DPM1: variants seen among roughly 807,000 people sequenced by gnomAD.
DPM1 encodes the protein dolichol-phosphate mannosyltransferase subunit 1.
Under a neutral mutation model 39.0 loss-of-function variants are expected in DPM1, and 27 were observed. The observed-to-expected ratio is 0.69, with a 90% CI of 0.51 to 0.95. The LOEUF (loss-of-function observed/expected upper bound fraction) is 0.95, where lower values mean the gene tolerates loss of function less well. Among genes scored for constraint, DPM1 ranks in the 40% least tolerant of loss-of-function variants. The probability of loss-of-function intolerance (pLI) is 0.00; values close to 1 mark genes in which losing one functional copy is unlikely to be tolerated. For synonymous variants in DPM1, 124 were observed against 109.0 expected (o/e 1.14, Z -0.86); for missense variants, 307 against 315.6 (o/e 0.97, Z 0.21).
chr20:50,948,989 T>A (rs1412622415), intron 2 of DPM1, among the ~76,000 whole-genome samples: 1 of 151,944 alleles, frequency 6.6e-6, no homozygotes, highest in Non-Finnish European at 1.5e-5. Context: ...GCCTCCAGAG[T>A]AGCTGGGATT....
chr20:50,951,698 G>C (rs554633652), intron 2 of DPM1, among the ~76,000 whole-genome samples: 1 of 152,080 alleles, frequency 6.6e-6, no homozygotes, highest in South Asian at 2.1e-4. Context: ...TGGGGCAGGA[G>C]AACTGCTTGA....
intron 3 of DPM1, among the ~76,000 whole-genome samples, 191 bp from the exon 4 acceptor site, chr20:50,946,114 G>C (rs558871776): frequency 6.6e-6 from 1 of 152,176 alleles, no homozygotes; most frequent in South Asian, 2.1e-4. Context: ...AAGGTAGCTG[G>C]CCACACACCC....
At chr20:50,936,591 C>T (rs1985178976) in intron 7 of DPM1, among the ~76,000 whole-genome samples, 2 of 152,028 alleles carry the variant, frequency 1.3e-5, no homozygotes, top group Admixed American at 1.3e-4. Context: ...TAAGATTTCC[C>T]TAAAATTTAA....
intron 2 of DPM1, among the ~76,000 whole-genome samples, chr20:50,951,795 A>AT (rs1332075363): frequency 1.4e-5 from 2 of 147,556 alleles, no homozygotes; most frequent in Non-Finnish European, 2.9e-5. Context: ...TCTCAAAAAA[A>AT]AAATAAATAA....
At chr20:50,956,153 T>A (rs1986812161) in intron 1 of DPM1, among the ~76,000 whole-genome samples, 1 of 152,154 alleles carries the variant, frequency 6.6e-6, no homozygotes, top group Non-Finnish European at 1.5e-5. Context: ...CAGAGTAGCA[T>A]TACAAAAGAT....
At chr20:50,936,333 G>A in intron 7 of DPM1, 71 bp from the exon 8 acceptor site, 1 of 1,003,128 alleles carries the variant, frequency 1.0e-6, no homozygotes, top group Non-Finnish European at 1.5e-6. Flanking sequence ...ACCTTTCAAA[G>A]AGTTCACTGG....
intron 3 of DPM1, 85 bp downstream of exon 3, chr20:50,948,544 C>G (rs935728066): frequency 2.4e-6 from 3 of 1,253,382 alleles, no homozygotes; most frequent in Admixed American, 1.7e-5. Flanking sequence ...TGTATTTTGG[C>G]CCTATTCCAA....
intron 3 of DPM1, among the ~76,000 whole-genome samples, chr20:50,946,160 C>T (rs189815595): frequency 1.3e-5 from 2 of 152,184 alleles, no homozygotes; most frequent in Admixed American, 6.5e-5. Context: ...TAGATCATAC[C>T]TCTATTTCAG....
chr20:50,949,062 T>C (rs1264602734), intron 2 of DPM1, among the ~76,000 whole-genome samples: 1 of 152,106 alleles, frequency 6.6e-6, no homozygotes, highest in Admixed American at 6.5e-5. Flanking sequence ...GGTTCCACCG[T>C]GTTAGCCAGG....
intron 2 of DPM1, among the ~76,000 whole-genome samples, 196 bp from the exon 3 acceptor site, chr20:50,948,858 T>G (rs865808777): frequency 3.3e-5 from 5 of 152,048 alleles, no homozygotes; most frequent in Admixed American, 1.3e-4. Context: ...TAGTTTAACG[T>G]AGCTAACATT....
intron 7 of DPM1, among the ~76,000 whole-genome samples, chr20:50,940,182 CA>C (rs1354021804): frequency 6.7e-6 from 1 of 150,374 alleles, no homozygotes; most frequent in Non-Finnish European, 1.5e-5. Context: ...ACCCAAGAAT[CA>C]ACATTATTTA....
intron 3 of DPM1, among the ~76,000 whole-genome samples, chr20:50,947,610 G>C (rs1986363171): frequency 6.6e-6 from 1 of 152,160 alleles, no homozygotes; most frequent in South Asian, 2.1e-4. Context: ...CAATAATGCT[G>C]TATGTTTAAA....
At chr20:50,949,780 C>G (rs1986483341) in intron 2 of DPM1, among the ~76,000 whole-genome samples, 1 of 147,196 alleles carries the variant, frequency 6.8e-6, no homozygotes, top group Admixed American at 6.7e-5. Flanking sequence ...TTTTTTTTCA[C>G]TATATGCAAT....
chr20:50,950,917 G>A (rs1405477663), intron 2 of DPM1, among the ~76,000 whole-genome samples: 1 of 152,098 alleles, frequency 6.6e-6, no homozygotes, highest in Non-Finnish European at 1.5e-5. Flanking sequence ...TGTTACAGTT[G>A]CACACCCCCT....
chr20:50,958,467 C>T lies in DPM1; in HGVS notation c.57G>A (p.Val19=), dbSNP rs1311416348. The change falls in exon 1 of 9, where the codon GTG becomes GTA. Residue 19 remains valine (V), a synonymous_variant. Coordinates refer to ENST00000371588, the MANE Select transcript of DPM1 (RefSeq NM_003859.3). ...SPRRSRRELE[V]RSPRQNKYSV... ...AATATTTGTTCTGTCGTGGACTGCG[C>T]ACTTCCAGCTCCCGCCGAGACCTGC... 1 of 1,613,836 alleles carries T rather than the reference C, an allele frequency of 6.2e-7. No individual in the cohort carries two copies. The highest frequency in any genetic ancestry group is 8.5e-7 in the Non-Finnish European group (1 of 1,179,988).
chr20:50,942,581 A>C (rs1985936891), intron 5 of DPM1, among the ~76,000 whole-genome samples: 1 of 151,626 alleles, frequency 6.6e-6, no homozygotes, highest in Admixed American at 6.6e-5. Flanking sequence ...CAATGGGAGG[A>C]TGGCTTGAGC....
At chr20:50,935,366 T>C in intron 8 of DPM1, 130 bp from the exon 9 acceptor site, 2 of 663,798 alleles carry the variant, frequency 3.0e-6, no homozygotes, top group Non-Finnish European at 5.4e-6. Flanking sequence ...AAGTATAAAA[T>C]TAGGGGATTA....
chr20:50,954,225 G>T (rs1986719231), intron 2 of DPM1, among the ~76,000 whole-genome samples: 3 of 151,862 alleles, frequency 2.0e-5, no homozygotes, highest in Admixed American at 1.3e-4. Flanking sequence ...TAACAATAAA[G>T]GTTCTCAAAG....
intron 2 of DPM1, among the ~76,000 whole-genome samples, chr20:50,950,587 G>C (rs1362016487): frequency 6.6e-6 from 1 of 152,106 alleles, no homozygotes; most frequent in Admixed American, 6.6e-5. Context: ...AGATAACTTT[G>C]GCCAGATGCA....
Sources: gnomAD v4.1 joint callset for allele counts (sites outside exome capture counted in the v4.1 genomes callset) on GRCh38, gnomAD v4.1.1 for gene constraint, MANE v1.5 for transcripts, NCBI Gene and HGNC (gene_info 2026-07-23, HGNC 2026-07-21) for gene names.